Variants in ADAP1 observed in about 807,000 individuals in gnomAD.
ADAP1 encodes the protein arf-GAP with dual PH domain-containing protein 1.
ADAP1 carries 31 observed loss-of-function variants against 54.9 expected under a neutral mutation model. The ratio of observed to expected loss-of-function variants is 0.56; its 90% CI spans 0.42 to 0.76. The LOEUF is 0.76. Ranked by LOEUF, ADAP1 falls within the 30% of genes least tolerant of loss-of-function variation. The probability of loss-of-function intolerance (pLI) is 0.00; values close to 1 mark genes in which losing one functional copy is unlikely to be tolerated. For synonymous variants in ADAP1, 313 were observed against 202.6 expected, an observed-to-expected ratio of 1.55 and a Z score of -4.63; for missense variants, 535 against 512.4, an observed-to-expected ratio of 1.04 and a Z score of -0.42.
chr7:942,048 C>T (rs1026710215), intron 1 of ADAP1, among the ~76,000 whole-genome samples: 14 of 152,168 alleles, frequency 9.2e-5, no homozygotes, highest in Non-Finnish European at 2.1e-4. Context: ...CTGGAGAGAG[C>T]GAACAATCTT....
chr7:907,667 G>T (rs1171132325), intron 4 of ADAP1, among the ~76,000 whole-genome samples: 1 of 152,220 alleles, frequency 6.6e-6, no homozygotes, highest in African/African-American at 2.4e-5. Flanking sequence ...TGCGGACTCA[G>T]ATGCAGCTTC....
intron 1 of ADAP1, among the ~76,000 whole-genome samples, chr7:941,827 G>A (rs1260151628): frequency 6.6e-6 from 1 of 152,104 alleles, no homozygotes; most frequent in East Asian, 1.9e-4. Flanking sequence ...AAAGGACCTA[G>A]AATAGCTAAA....
intron 1 of ADAP1, among the ~76,000 whole-genome samples, chr7:939,964 A>G (rs902418318): frequency 3.3e-5 from 5 of 152,150 alleles, no homozygotes; most frequent in Non-Finnish European, 7.3e-5. Flanking sequence ...TATCTTTGAC[A>G]AACCAGCTAC....
chr7:900,181 C>G lies in ADAP1; in HGVS notation c.733-17G>C. 6.2e-7 allele frequency: 1 copy of G among 1,612,922 alleles called. No homozygotes were observed. The highest frequency in any genetic ancestry group is 8.5e-7 in the Non-Finnish European group (1 of 1,179,866). On this transcript the variant is annotated splice_polypyrimidine_tract_variant and intron_variant, in intron 7 of 10. Transcript: ENST00000265846. Reference sequence around the variant, plus strand: ...TGGCACCAGCTAGGGCAGGACACACCAGGCAGGGGACCTCAGAAGTGCAGC... The same window carrying G: ...TGGCACCAGCTAGGGCAGGACACACGAGGCAGGGGACCTCAGAAGTGCAGC...
chr7:914,167 G>A (rs981163540), intron 4 of ADAP1, among the ~76,000 whole-genome samples: 1 of 152,314 alleles, frequency 6.6e-6, no homozygotes, highest in African/African-American at 2.4e-5. Flanking sequence ...TCTTGGTTCC[G>A]GCTCATTCCA....
chr7:905,272 C>CGG (rs60530181), intron 4 of ADAP1, 100 bp from the exon 5 acceptor site: 1 of 318,420 alleles, frequency 3.1e-6, no homozygotes, highest in Non-Finnish European at 5.2e-6. Flanking sequence ...GGAGAAGACA[C>CGG]GGGGGACACG....
chr7:911,383 G>A (rs1452480199), intron 4 of ADAP1, among the ~76,000 whole-genome samples: 3 of 152,240 alleles, frequency 2.0e-5, no homozygotes, highest in South Asian at 4.1e-4. Flanking sequence ...ATCCCCGCCA[G>A]GCTGCCCAGG....
chr7:900,630 TG>T lies in ADAP1; in HGVS notation c.649-15del, dbSNP rs1554270293. 3 of 1,598,702 alleles carry T rather than the reference TG, an allele frequency of 1.9e-6. No individual in the cohort carries two copies. The highest frequency in any genetic ancestry group is 2.6e-6 in the Non-Finnish European group (3 of 1,173,082). ...GTCCACAATCTCCTAGGGGCAAAGG[TG>T]GGCACAGGCTTGGGCTGAGGAGGCT... is the stretch of plus-strand genomic sequence containing the variant. On this transcript the variant is annotated splice_polypyrimidine_tract_variant and intron_variant, in intron 6 of 10. Coordinates refer to ENST00000265846, the MANE Select transcript of ADAP1 (RefSeq NM_006869.4).
chr7:918,309 T>TG (rs1190720722), intron 4 of ADAP1, among the ~76,000 whole-genome samples: 7 of 152,198 alleles, frequency 4.6e-5, no homozygotes, highest in African/African-American at 9.7e-5. Flanking sequence ...CTCAAACTCC[T>TG]GCACGTAAGG....
At chr7:911,300 G>C (rs986462081) in intron 4 of ADAP1, among the ~76,000 whole-genome samples, 10 of 152,036 alleles carry the variant, frequency 6.6e-5, no homozygotes, top group Admixed American at 1.3e-4. Flanking sequence ...GGCCTGGAGA[G>C]ACCCCCCCAC....
In ADAP1 at chr7:898,255, G is replaced by T. The variant is rs892025523; in HGVS notation, c.*666C>A. The T allele has an allele frequency of 1.9e-5, 3 of 155,970 alleles. No homozygotes were observed. Among genetic ancestry groups the T allele is most frequent in the Non-Finnish European group, 4.3e-5 (3 of 70,312 alleles). The allele number at this position is 155,970 out of a possible 1,614,324, so 9.7% of individuals were successfully genotyped here. A position where few individuals can be genotyped will look rare whatever the true frequency, so the allele number is the denominator to read the frequency against. ...GCGGCCCAGGCCCTCGTCCCCAAGG[G>T]TTCAGACACCACTGTCGGCGAGCAC... On this transcript the variant is annotated 3_prime_UTR_variant, in exon 11 of 11. Transcript: ENST00000265846.
chr7:932,694 G>A (rs75365434), intron 2 of ADAP1, among the ~76,000 whole-genome samples: 2,342 of 152,280 alleles, frequency 0.015, 50 homozygotes, highest in African/African-American at 0.044. Flanking sequence ...TCCCCCCCTG[G>A]GTCAGTGAAG....
intron 4 of ADAP1, among the ~76,000 whole-genome samples, chr7:906,065 GA>G (rs1346888166): frequency 3.9e-4 from 3 of 7,758 alleles, no homozygotes; most frequent in African/African-American, 2.6e-3. Flanking sequence ...AGGAGAAAGG[GA>G]GAAAGGAGAA....
intron 3 of ADAP1, among the ~76,000 whole-genome samples, chr7:922,327 C>A (rs1239199842): frequency 6.6e-6 from 1 of 152,224 alleles, no homozygotes; most frequent in Non-Finnish European, 1.5e-5. Context: ...AGGCCAGGGC[C>A]TCAGGGTCAG....
At position 954,435 on chromosome 7, in the gene ADAP1, G is replaced by T; in HGVS notation, c.43C>A (p.Arg15=). 1 of 1,130,742 alleles carries T rather than the reference G, an allele frequency of 8.8e-7. No homozygotes were observed. The highest frequency in any genetic ancestry group is 8.6e-5 in the East Asian group (1 of 11,576). The allele number at this position is 1,130,742 out of a possible 1,614,324, so 70.0% of individuals were successfully genotyped here. A position where few individuals can be genotyped will look rare whatever the true frequency, so the allele number is the denominator to read the frequency against. ...RRRAVLELLQ[R]PGNARCADCG... Reference sequence around the variant, plus strand: ...TCCGCGCAGCGCGCGTTCCCCGGCCGCTGCAGCAGCTCCAGGACCGCCCTG... The same window carrying T: ...TCCGCGCAGCGCGCGTTCCCCGGCCTCTGCAGCAGCTCCAGGACCGCCCTG... Residue 15 remains arginine, a synonymous_variant, in exon 1 of 11, where the codon CGG becomes AGG. Transcript: ENST00000265846.
intron 4 of ADAP1, among the ~76,000 whole-genome samples, chr7:907,070 C>T (rs905608119): frequency 1.3e-5 from 2 of 152,134 alleles, no homozygotes; most frequent in Non-Finnish European, 2.9e-5. Flanking sequence ...CCTCAGCCGT[C>T]CGCAGCTGCT....
Position 900,063 on chromosome 7 carries a change from ACCCCAGGC to A in ADAP1, c.795+31_795+38del, listed in dbSNP as rs762735040. ...TTCAGTCCGAGACCCACCATGGCGTACCCCAGGCCACCCCAGGCCGCACGTGCGGCACA... is the reference window on the plus strand; with the variant it reads ...TTCAGTCCGAGACCCACCATGGCGTACACCCCAGGCCGCACGTGCGGCACA... On this transcript the variant is annotated intron_variant, in intron 8 of 10. Coordinates refer to ENST00000265846, the MANE Select transcript of ADAP1 (RefSeq NM_006869.4). 3.1e-6 allele frequency: 5 copies of A among 1,609,588 alleles called. No homozygotes were observed. In the African/African-American group the frequency reaches 6.7e-5, roughly 22 times the overall value.
At chr7:932,723 G>A (rs1846623649) in intron 2 of ADAP1, among the ~76,000 whole-genome samples, 1 of 152,184 alleles carries the variant, frequency 6.6e-6, no homozygotes, top group African/African-American at 2.4e-5. Context: ...AAGGGCGAAG[G>A]GACGGATATC....
intron 8 of ADAP1, 127 bp downstream of exon 8, chr7:899,975 G>A (rs1371185931): frequency 5.2e-6 from 6 of 1,151,176 alleles, no homozygotes; most frequent in Non-Finnish European, 7.6e-6. Context: ...ACAGACAAGG[G>A]GCTGTGAGGA....
Sources: gnomAD v4.1 joint callset for allele counts (sites outside exome capture counted in the v4.1 genomes callset) on GRCh38, gnomAD v4.1.1 for gene constraint, MANE v1.5 for transcripts, NCBI Gene and HGNC (gene_info 2026-07-23, HGNC 2026-07-21) for gene names.